Variants in EDAR observed in about 807,000 individuals in gnomAD.
EDAR encodes the protein tumor necrosis factor receptor superfamily member EDAR.
A neutral mutation model predicts 51.3 loss-of-function variants in EDAR; 38 were observed. The ratio of observed to expected loss-of-function variants is 0.74; its 90% CI spans 0.57 to 0.97. The LOEUF (loss-of-function observed/expected upper bound fraction) is 0.97. Ranked by LOEUF, EDAR falls within the 50% of genes least tolerant of loss-of-function variation. EDAR has a pLI of 0.00. For missense variants in EDAR, 528 were observed against 595.0 expected (o/e 0.89, Z 1.17); for synonymous variants, 227 against 242.1 (o/e 0.94, Z 0.58).
intron 1 of EDAR, among the ~76,000 whole-genome samples, chr2:108,961,365 T>A (rs1698037105): frequency 6.6e-6 from 1 of 151,984 alleles, no homozygotes; most frequent in African/African-American, 2.4e-5. Flanking sequence ...CCTCACTCAC[T>A]CAAGGGCATC....
chr2:108,926,463 G>A (rs559569766), intron 4 of EDAR, among the ~76,000 whole-genome samples: 1 of 152,330 alleles, frequency 6.6e-6, no homozygotes, highest in South Asian at 2.1e-4. Context: ...TCTCATGCCT[G>A]TAAGGGACGC....
intron 1 of EDAR, among the ~76,000 whole-genome samples, chr2:108,983,927 A>G (rs1698456666): frequency 6.6e-6 from 1 of 152,158 alleles, no homozygotes; most frequent in African/African-American, 2.4e-5. Flanking sequence ...AGTGAGGAGG[A>G]AGCGAGTGCA....
chr2:108,979,467 T>TCTCACACACA lies in EDAR; in HGVS notation c.-19+9492_-19+9493insTGTGTGTGAG, dbSNP rs1159379988. On this transcript the variant is annotated intron_variant, in intron 1 of 11. Transcript: ENST00000258443. The stretch of plus-strand genomic sequence containing the variant: ...CTCTCTGTCTCTGTCTCTCTCTCTC[T>TCTCACACACA]CACACACACACACACACACACACAC... Among the ~76,000 whole-genome samples the TCTCACACACA allele has an allele frequency of 9.0e-3, 1,318 of 147,204 alleles. 11 individuals are homozygous for TCTCACACACA. The highest frequency in any genetic ancestry group is 0.018 in the Middle Eastern group (5 of 282).
At chr2:108,959,275 G>A (rs1464281767) in intron 1 of EDAR, among the ~76,000 whole-genome samples, 1 of 152,224 alleles carries the variant, frequency 6.6e-6, no homozygotes, top group Non-Finnish European at 1.5e-5. Context: ...AAGCCCTGTG[G>A]TCTGCGATCT....
At chr2:108,919,986 C>T (rs947092635) in intron 5 of EDAR, among the ~76,000 whole-genome samples, 2 of 152,236 alleles carry the variant, frequency 1.3e-5, no homozygotes, top group Non-Finnish European at 2.9e-5. Context: ...CCTCTACCTC[C>T]CCACCAAGCA....
intron 1 of EDAR, among the ~76,000 whole-genome samples, chr2:108,935,973 C>T (rs771424987): frequency 6.6e-6 from 1 of 152,222 alleles, no homozygotes; most frequent in East Asian, 1.9e-4. Context: ...CTTGTCATCA[C>T]GGCTGCCTCC....
At chr2:108,909,670 T>C (rs1164521708) in intron 9 of EDAR, among the ~76,000 whole-genome samples, 4 of 152,204 alleles carry the variant, frequency 2.6e-5, no homozygotes, top group Non-Finnish European at 4.4e-5. Flanking sequence ...GGGGTTGATT[T>C]TTGGAAGCTA....
intron 1 of EDAR, among the ~76,000 whole-genome samples, chr2:108,981,054 G>A (rs554108512): frequency 3.3e-5 from 5 of 152,218 alleles, no homozygotes; most frequent in Non-Finnish European, 7.3e-5. Flanking sequence ...AGCATGAGCA[G>A]GACTTCCAAT....
At chr2:108,987,915 T>C (rs1698522837) in intron 1 of EDAR, among the ~76,000 whole-genome samples, 1 of 152,230 alleles carries the variant, frequency 6.6e-6, no homozygotes, top group Non-Finnish European at 1.5e-5. Context: ...AGAAACATTC[T>C]CTATTTTAGA....
At chr2:108,975,904 A>G (rs1231776177) in intron 1 of EDAR, among the ~76,000 whole-genome samples, 1 of 152,160 alleles carries the variant, frequency 6.6e-6, no homozygotes, top group African/African-American at 2.4e-5. Flanking sequence ...AGGGTGACTG[A>G]ATCATCTAGA....
chr2:108,916,714 G>C (rs922836306), intron 5 of EDAR, among the ~76,000 whole-genome samples: 1 of 152,114 alleles, frequency 6.6e-6, no homozygotes, highest in Non-Finnish European at 1.5e-5. Context: ...CGAGGAGGTG[G>C]GGGCAAGATG....
At chr2:108,914,901 T>TC (rs1696999224) in intron 5 of EDAR, among the ~76,000 whole-genome samples, 1 of 152,156 alleles carries the variant, frequency 6.6e-6, no homozygotes, top group Non-Finnish European at 1.5e-5. Flanking sequence ...GAAGCAAGCT[T>TC]CCTAGTTGGA....
chr2:108,909,354 C>A (rs964252249), intron 9 of EDAR, among the ~76,000 whole-genome samples: 4 of 151,948 alleles, frequency 2.6e-5, no homozygotes, highest in Admixed American at 2.6e-4. Flanking sequence ...GTGACCAGGT[C>A]CTGCCCTTGG....
intron 1 of EDAR, among the ~76,000 whole-genome samples, chr2:108,938,673 A>G (rs1348960885): frequency 2.0e-5 from 3 of 152,142 alleles, no homozygotes; most frequent in Non-Finnish European, 4.4e-5. Context: ...AAAAATCCCT[A>G]CTTTTTTGCC....
At chr2:108,905,858 G>A (rs1696791602) in intron 11 of EDAR, among the ~76,000 whole-genome samples, 2 of 152,174 alleles carry the variant, frequency 1.3e-5, no homozygotes, top group Non-Finnish European at 2.9e-5. Context: ...AGGCCGCTGG[G>A]AGGGGAGGCT....
intron 1 of EDAR, among the ~76,000 whole-genome samples, chr2:108,934,325 C>T (rs150164851): frequency 3.9e-5 from 6 of 152,042 alleles, no homozygotes; most frequent in South Asian, 4.1e-4. Flanking sequence ...GGCCACTGGG[C>T]GCTGGGGGGC....
rs532591782 is a variant in EDAR at position 108,957,723 on chromosome 2, G to A, written c.-18-26691C>T. Among the ~76,000 whole-genome samples the A allele has an allele frequency of 3.3e-5, 5 of 152,346 alleles. 1 individual carries two copies. The South Asian group carries it at 1.0e-3, about 32-fold the overall frequency. ...GGGCCTACCAGGCGAGGCTAGTGGAGGTGAGAAGCCTCACAATCCATGTTT... is the reference window on the plus strand; with the variant it reads ...GGGCCTACCAGGCGAGGCTAGTGGAAGTGAGAAGCCTCACAATCCATGTTT... On this transcript the variant is annotated intron_variant, in intron 1 of 11. Transcript: ENST00000258443.
At chr2:108,948,083 C>G (rs1697748579) in intron 1 of EDAR, among the ~76,000 whole-genome samples, 1 of 152,222 alleles carries the variant, frequency 6.6e-6, no homozygotes, top group South Asian at 2.1e-4. Context: ...GAAATTTCTT[C>G]TGCCAGATGC....
intron 1 of EDAR, among the ~76,000 whole-genome samples, chr2:108,988,484 G>C (rs550422367): frequency 7.2e-5 from 11 of 152,234 alleles, no homozygotes; most frequent in Admixed American, 2.6e-4. Flanking sequence ...CCAGGATATG[G>C]GGGGTCTCAG....
Sources: gnomAD v4.1 joint callset for allele counts (sites outside exome capture counted in the v4.1 genomes callset) on GRCh38, gnomAD v4.1.1 for gene constraint, MANE v1.5 for transcripts, NCBI Gene and HGNC (gene_info 2026-07-23, HGNC 2026-07-21) for gene names.